The following TPCN1 variants were observed in gnomAD, a reference collection of about 807,000 sequenced individuals.
TPCN1 encodes the protein two pore segment channel 1, also known as two pore channel protein 1.
TPCN1 carries 52 observed loss-of-function variants against 108.8 expected under a neutral mutation model. The ratio of observed to expected loss-of-function variants is 0.48; its 90% CI spans 0.38 to 0.60. The LOEUF is 0.60. Ranked by LOEUF, TPCN1 falls within the 20% of genes least tolerant of loss-of-function variation. The probability of loss-of-function intolerance (pLI) is 0.00; values close to 1 mark genes in which losing one functional copy is unlikely to be tolerated. For missense variants in TPCN1, 806 were observed against 1,072.8 expected (o/e 0.75, Z 3.47); for synonymous variants, 446 against 433.7 (o/e 1.03, Z -0.35).
Position 113,285,784 on chromosome 12 carries a change from A to G in TPCN1, c.1454-105A>G, listed in dbSNP as rs1956053868. ...GGCCTGGGCTCAGCCTGGAGGGCTT[A>G]TGGCCAGCAGGGAGGCTGCAGACTG... On this transcript the variant is annotated intron_variant, in intron 17 of 27. Transcript: ENST00000335509. 9.0e-6 allele frequency: 9 copies of G among 996,584 alleles called. No individual in the cohort carries two copies. In the South Asian group the frequency reaches 1.2e-4, roughly 13 times the overall value. The allele number at this position is 996,584 out of a possible 1,614,324, so 61.7% of individuals were successfully genotyped here.
intron 1 of TPCN1, among the ~76,000 whole-genome samples, chr12:113,225,059 T>G (rs1953421225): frequency 6.6e-6 from 1 of 152,078 alleles, no homozygotes; most frequent in Admixed American, 6.6e-5. Flanking sequence ...CCTTTTATTT[T>G]ACTTTATTTT....
intron 1 of TPCN1, among the ~76,000 whole-genome samples, chr12:113,221,924 C>T (rs549931125): frequency 6.6e-6 from 1 of 152,344 alleles, no homozygotes; most frequent in Admixed American, 6.5e-5. Flanking sequence ...TCCTCCCTCC[C>T]TCGCTCTTCT....
chr12:113,288,169 T>C lies in TPCN1; in HGVS notation c.1641T>C (p.Phe547=), dbSNP rs779336343. Residue 547 remains phenylalanine (F), a synonymous_variant, in exon 20 of 28, where the codon TTT becomes TTC. Coordinates refer to ENST00000335509, the MANE Select transcript of TPCN1 (RefSeq NM_017901.6). This position sits in a 1 kb window ranked among gnomAD's most constrained non-coding sequence, Gnocchi z 4.8. ...GGGTGTCCTCCTCGCTCAGGTTGTTTAAGTTGAAGGAGCGCTACCGCAACG... is the reference window on the plus strand; with the variant it reads ...GGGTGTCCTCCTCGCTCAGGTTGTTCAAGTTGAAGGAGCGCTACCGCAACG... ...VLRPLQLLRL[F]KLKERYRNVL... 1.9e-6 allele frequency: 3 copies of C among 1,613,204 alleles called. No homozygotes were observed. Among genetic ancestry groups the C allele is most frequent in the East Asian group, 4.5e-5 (2 of 44,856 alleles).
chr12:113,277,397 C>T, intron 12 of TPCN1, 33 bp downstream of exon 12: 2 of 1,613,232 alleles, frequency 1.2e-6, no homozygotes, highest in Non-Finnish European at 1.7e-6. Flanking sequence ...GGCAGCATGG[C>T]CAGACAAGGT....
At chr12:113,270,523 C>T (rs1187777722) in intron 7 of TPCN1, among the ~76,000 whole-genome samples, 3 of 151,898 alleles carry the variant, frequency 2.0e-5, no homozygotes, top group African/African-American at 2.4e-5. Flanking sequence ...CCCTGTCACC[C>T]AGGCTGGAGT....
Position 113,284,492 on chromosome 12 carries a change from A to G in TPCN1, c.1343-89A>G. ...TGTTCTCCCCATCCCGTAGAGCTCC[A>G]GGAAGTTAACCAGGGACTTCAGCTG... On this transcript the variant is annotated intron_variant, in intron 15 of 27. Coordinates refer to ENST00000335509, the MANE Select transcript of TPCN1 (RefSeq NM_017901.6). This position sits in a 1 kb window ranked among gnomAD's most constrained non-coding sequence, Gnocchi z 4.1. The G allele has an allele frequency of 6.8e-7, 1 of 1,461,926 alleles. No homozygotes were observed. The highest frequency in any genetic ancestry group is 9.6e-7 in the Non-Finnish European group (1 of 1,044,676). 90.6% of individuals were successfully genotyped at this position (1,461,926 alleles called of 1,614,324 possible). A position where few individuals can be genotyped will look rare whatever the true frequency, so the allele number is the denominator to read the frequency against.
At chr12:113,263,056 AT>A (rs1374474938) in intron 3 of TPCN1, among the ~76,000 whole-genome samples, 4 of 152,226 alleles carry the variant, frequency 2.6e-5, no homozygotes, top group African/African-American at 9.6e-5. Context: ...ATACAGCAGC[AT>A]GTGCATGTGG....
In TPCN1 at chr12:113,272,784, A is replaced by G. The variant is rs1391385681; in HGVS notation, c.783+92A>G. ...GGCGTGACCCTGTGGCCATATGGGG[A>G]AGGGGGGGCCTGCCTGGTTTCTCAT... On this transcript the variant is annotated intron_variant, in intron 8 of 27. Coordinates refer to ENST00000335509, the MANE Select transcript of TPCN1 (RefSeq NM_017901.6). This position sits in a 1 kb window ranked among gnomAD's most constrained non-coding sequence, Gnocchi z 4.1. 1 of 1,286,708 alleles carries G rather than the reference A, an allele frequency of 7.8e-7. No homozygotes were observed. The highest frequency in any genetic ancestry group is 2.3e-5 in the East Asian group (1 of 43,376). The allele number at this position is 1,286,708 out of a possible 1,614,324, so 79.7% of individuals were successfully genotyped here.
rs75315473 is a variant in TPCN1 at position 113,236,932 on chromosome 12, T to C, written c.112+9968T>C. ...GTGCCTGGCTTATACAGAATGAGCATTGGGTGGATGTCAGCCATTATAATT... is the reference window on the plus strand; with the variant it reads ...GTGCCTGGCTTATACAGAATGAGCACTGGGTGGATGTCAGCCATTATAATT... On this transcript the variant is annotated intron_variant, in intron 2 of 27. Coordinates refer to ENST00000335509, the MANE Select transcript of TPCN1 (RefSeq NM_017901.6). Among the ~76,000 whole-genome samples, 35 of 152,284 alleles carry C rather than the reference T, an allele frequency of 2.3e-4. No individual in the cohort carries two copies. The East Asian group carries it at 6.8e-3, about 29-fold the overall frequency.
At chr12:113,286,440 T>C (rs1469853684) in intron 18 of TPCN1, among the ~76,000 whole-genome samples, 1 of 152,200 alleles carries the variant, frequency 6.6e-6, no homozygotes, top group Non-Finnish European at 1.5e-5. Context: ...GTGAGCGGGT[T>C]AACACGCAGA....
rs1955555904 is a variant in TPCN1, at chr12:113,272,992, G to T, written c.784-240G>T. Among the ~76,000 whole-genome samples the T allele has an allele frequency of 6.6e-6, 1 of 152,236 alleles. No individual in the cohort carries two copies. Among genetic ancestry groups the T allele is most frequent in the Non-Finnish European group, 1.5e-5 (1 of 68,046 alleles). On this transcript the variant is annotated intron_variant, in intron 8 of 27. Transcript: ENST00000335509. This position sits in a 1 kb window ranked among gnomAD's most constrained non-coding sequence, Gnocchi z 4.1. The stretch of plus-strand genomic sequence containing the variant: ...AGAGCCAGGCGAATGGCCCAGACAT[G>T]TGACTCCCTAGAAAAAAGTCCCCCC...
At chr12:113,271,639 C>T (rs1042192059) in intron 7 of TPCN1, among the ~76,000 whole-genome samples, 18 of 152,324 alleles carry the variant, frequency 1.2e-4, no homozygotes, top group East Asian at 3.9e-4. Context: ...TTCACTGGAG[C>T]GGAGCAAGTA....
chr12:113,258,493 G>T (rs915414844), intron 2 of TPCN1, among the ~76,000 whole-genome samples: 5 of 151,868 alleles, frequency 3.3e-5, no homozygotes, highest in African/African-American at 7.2e-5. Flanking sequence ...AAAAACAAGG[G>T]TGGAGTGGCT....
At chr12:113,295,937 ACC>A (rs1244422898) in intron 27 of TPCN1, 21 bp from the exon 28 acceptor site, 1 of 1,563,328 alleles carries the variant, frequency 6.4e-7, no homozygotes. Flanking sequence ...AGCCCTCAGC[ACC>A]CCTTCTGCTC....
At chr12:113,274,084 A>G (rs575216561) in intron 10 of TPCN1, among the ~76,000 whole-genome samples, 2 of 152,316 alleles carry the variant, frequency 1.3e-5, no homozygotes, top group East Asian at 3.9e-4. Flanking sequence ...ACCTGTGTAC[A>G]TTCATCCTCT....
intron 2 of TPCN1, among the ~76,000 whole-genome samples, chr12:113,253,924 T>A (rs1954739016): frequency 6.6e-6 from 1 of 152,206 alleles, no homozygotes; most frequent in Non-Finnish European, 1.5e-5. Flanking sequence ...CTACCAGTAG[T>A]TTAAAATCAT....
intron 7 of TPCN1, among the ~76,000 whole-genome samples, chr12:113,271,953 C>T (rs923653456): frequency 3.9e-5 from 6 of 152,192 alleles, no homozygotes; most frequent in African/African-American, 7.2e-5. Context: ...ACCAGGACTC[C>T]GCAGATGGTG....
rs1433089728 is a variant in TPCN1, at chr12:113,284,741, G to A, written c.1423G>A (p.Val475Met). 1.9e-6 allele frequency: 3 copies of A among 1,614,216 alleles called. No homozygotes were observed. Among genetic ancestry groups the A allele is most frequent in the Non-Finnish European group, 2.5e-6 (3 of 1,180,048 alleles). The change falls in exon 17 of 28, where the codon GTG becomes ATG. Residue 475 changes from valine (V) to methionine (M), a missense_variant. By Grantham distance (21) the Val-to-Met change is conservative. Coordinates refer to ENST00000335509, the MANE Select transcript of TPCN1 (RefSeq NM_017901.6). This position sits in a 1 kb window ranked among gnomAD's most constrained non-coding sequence, Gnocchi z 4.1. ...AGGTGGGAACTTCTTCTCCAAGCAC[G>A]TGCCCTGGAGTTACCTCGTCTTTCT... ...LKGGNFFSKH[V>M]PWSYLVFLTI... is the part of the protein sequence containing the mutation.
intron 2 of TPCN1, among the ~76,000 whole-genome samples, chr12:113,234,743 G>A (rs1471918615): frequency 6.6e-6 from 1 of 152,252 alleles, no homozygotes; most frequent in South Asian, 2.1e-4. Context: ...ACTGGGGCCA[G>A]TGTGCACTCT....
Sources: allele counts gnomAD v4.1 joint callset (sites outside exome capture counted in the v4.1 genomes callset), GRCh38; gene constraint gnomAD v4.1.1; non-coding constraint Gnocchi (gnomAD v3.1); transcripts MANE v1.5; gene names NCBI Gene and HGNC (gene_info 2026-07-23, HGNC 2026-07-21).